The following RIMS2 variants were observed in gnomAD, a reference collection of about 807,000 sequenced individuals.
RIMS2 encodes regulating synaptic membrane exocytosis protein 2.
In RIMS2, 59 loss-of-function variants were observed where a neutral mutation model predicts 174.4. That is an observed-to-expected ratio of 0.34 (90% CI 0.27 to 0.42). The LOEUF (loss-of-function observed/expected upper bound fraction) is 0.42, where lower values mean the gene tolerates loss of function less well. Among genes scored for constraint, RIMS2 ranks in the 10% least tolerant of loss-of-function variants. RIMS2 has a pLI of 1.00. For synonymous variants in RIMS2, 606 were observed against 572.5 expected (o/e 1.06, Z -0.84); for missense variants, 1,620 against 1,666.3 (o/e 0.97, Z 0.48).
At chr8:104,239,322 G>T (rs1172037903) in intron 19 of RIMS2, among the ~76,000 whole-genome samples, 1 of 152,182 alleles carries the variant, frequency 6.6e-6, no homozygotes, top group Admixed American at 6.6e-5. Flanking sequence ...AAGCAGGGCA[G>T]AATAACGAGG....
intron 19 of RIMS2, among the ~76,000 whole-genome samples, chr8:104,101,042 T>A (rs888848157): frequency 2.1e-5 from 3 of 143,952 alleles, no homozygotes; most frequent in South Asian, 2.1e-4. Context: ...ATATATTATA[T>A]TATATATTAC....
At chr8:104,061,635 T>C (rs1467086117) in intron 19 of RIMS2, among the ~76,000 whole-genome samples, 1 of 149,274 alleles carries the variant, frequency 6.7e-6, no homozygotes. Flanking sequence ...TTTTTATAAA[T>C]ATATATTTAT....
chr8:103,837,221 G>A (rs1339783432), intron 3 of RIMS2, among the ~76,000 whole-genome samples: 1 of 152,164 alleles, frequency 6.6e-6, no homozygotes, highest in Non-Finnish European at 1.5e-5. Flanking sequence ...AAATCAAGGT[G>A]TGGACTAGCA....
At chr8:103,739,284 A>G (rs1204931783) in intron 2 of RIMS2, among the ~76,000 whole-genome samples, 2 of 152,184 alleles carry the variant, frequency 1.3e-5, no homozygotes, top group Non-Finnish European at 2.9e-5. Context: ...CAAGGACAAA[A>G]ACCCAAACAC....
intron 17 of RIMS2, 42 bp downstream of exon 19, chr8:103,989,463 A>G (rs779603457): frequency 1.9e-6 from 2 of 1,026,892 alleles, no homozygotes; most frequent in African/African-American, 1.6e-5. Context: ...TATTAATATA[A>G]TCACTGCTTT....
chr8:103,844,076 T>A (rs902218570), intron 3 of RIMS2, among the ~76,000 whole-genome samples: 2 of 152,192 alleles, frequency 1.3e-5, no homozygotes, highest in African/African-American at 4.8e-5. Flanking sequence ...ACATAAAATG[T>A]GACTTGCTCC....
chr8:103,804,865 T>C (rs1245914846), intron 3 of RIMS2, among the ~76,000 whole-genome samples: 2 of 152,022 alleles, frequency 1.3e-5, no homozygotes, highest in Non-Finnish European at 2.9e-5. Context: ...GGTACAGTCA[T>C]AGATCACTGC....
chr8:103,791,467 T>C (rs758687582), intron 3 of RIMS2, among the ~76,000 whole-genome samples: 7 of 152,156 alleles, frequency 4.6e-5, no homozygotes, highest in Non-Finnish European at 8.8e-5. Context: ...TGCAAAAACA[T>C]GCCAAATTGT....
chr8:103,986,543 G>C (rs911256257), intron 16 of RIMS2, among the ~76,000 whole-genome samples: 2 of 152,112 alleles, frequency 1.3e-5, no homozygotes, highest in Non-Finnish European at 2.9e-5. Context: ...TTTAAAAATA[G>C]CAACCATTAT....
Position 103,787,929 on chromosome 8 carries a change from T to G in RIMS2, c.698+21392T>G, listed in dbSNP as rs886621298. On this transcript the variant is annotated intron_variant, in intron 3 of 23. Coordinates refer to ENST00000504942, the Ensembl canonical transcript of RIMS2. Reference sequence around the variant, plus strand: ...ACACCAATCAGACGTAGATTTGGTCTTTTCACATAGTCCCATACTTCTTGG... The same window carrying G: ...ACACCAATCAGACGTAGATTTGGTCGTTTCACATAGTCCCATACTTCTTGG... 2.0e-4 allele frequency among the ~76,000 whole-genome samples: 31 copies of G among 152,134 alleles called. 1 individual carries two copies. The highest frequency in any genetic ancestry group is 2.8e-4 in the Non-Finnish European group (19 of 68,004).
chr8:103,836,706 C>A (rs561102976), intron 3 of RIMS2, among the ~76,000 whole-genome samples: 1 of 152,182 alleles, frequency 6.6e-6, no homozygotes, highest in Non-Finnish European at 1.5e-5. Flanking sequence ...ATAGGACACA[C>A]TACCTTTTCT....
At chr8:103,523,416 G>A (rs1832650888) in intron 1 of RIMS2, among the ~76,000 whole-genome samples, 1 of 152,154 alleles carries the variant, frequency 6.6e-6, no homozygotes, top group Admixed American at 6.6e-5. Context: ...CTGTGTGTGT[G>A]TGGTGAGTTA....
rs763206203 is a variant in RIMS2 at position 103,546,832 on chromosome 8, C to G, written c.176+45770C>G. On this transcript the variant is annotated intron_variant, in intron 1 of 23. Transcript: ENST00000504942. Reference sequence around the variant, plus strand: ...CACGAAGCAGTCCCCATCCTACCATCCTCCAATCCCTGCTGCTTTCTGACC... The same window carrying G: ...CACGAAGCAGTCCCCATCCTACCATGCTCCAATCCCTGCTGCTTTCTGACC... Among the ~76,000 whole-genome samples the G allele has an allele frequency of 5.3e-5, 8 of 152,186 alleles. 1 individual carries two copies. The highest frequency in any genetic ancestry group is 3.2e-3 in the Middle Eastern group (1 of 316).
At chr8:103,591,105 T>C (rs2094233441) in intron 1 of RIMS2, among the ~76,000 whole-genome samples, 1 of 151,042 alleles carries the variant, frequency 6.6e-6, no homozygotes, top group Admixed American at 6.6e-5. Context: ...GTGTTCATTT[T>C]ATAATATGTA....
At chr8:104,223,748 G>A (rs763869103) in intron 19 of RIMS2, 2 of 1,595,796 alleles carry the variant, frequency 1.3e-6, no homozygotes, top group Non-Finnish European at 1.7e-6. Context: ...CGAGGCACTG[G>A]CCGGCTACTT....
intron 1 of RIMS2, among the ~76,000 whole-genome samples, chr8:103,516,050 T>C (rs1269243066): frequency 6.6e-6 from 1 of 152,108 alleles, no homozygotes; most frequent in Non-Finnish European, 1.5e-5. Flanking sequence ...TCTTTTTTTC[T>C]TTTTGGTTCA....
intron 14 of RIMS2, among the ~76,000 whole-genome samples, chr8:103,948,134 A>G (rs1014058319): frequency 3.3e-5 from 5 of 152,326 alleles, no homozygotes; most frequent in Admixed American, 6.5e-5. Context: ...TTATGCCACA[A>G]TTACATTACT....
intron 3 of RIMS2, chr8:103,768,485 A>C: frequency 1.1e-6 from 1 of 881,524 alleles, no homozygotes; most frequent in Non-Finnish European, 1.9e-6. Context: ...GGGTGTCTTG[A>C]TTCATGGCCG....
intron 4 of RIMS2, among the ~76,000 whole-genome samples, chr8:103,888,722 G>T (rs1478935436): frequency 6.6e-6 from 1 of 151,466 alleles, no homozygotes; most frequent in African/African-American, 2.4e-5. Context: ...AGGTATATAT[G>T]AGTTAAATTA....
Sources: gnomAD v4.1 joint callset for allele counts (sites outside exome capture counted in the v4.1 genomes callset) on GRCh38, gnomAD v4.1.1 for gene constraint, MANE v1.5 for transcripts, NCBI Gene and HGNC (gene_info 2026-07-23, HGNC 2026-07-21) for gene names.